The following SPAG16 variants were observed in gnomAD, a reference collection of about 807,000 sequenced individuals.
SPAG16 encodes the protein sperm associated antigen 16.
SPAG16 carries 86 observed loss-of-function variants against 80.4 expected under a neutral mutation model. The observed-to-expected ratio is 1.07, with a 90% CI of 0.90 to 1.28. The LOEUF is 1.28. SPAG16 is among the 50% of genes most tolerant of loss of function. The pLI is 0.00. For synonymous variants in SPAG16, 294 were observed against 265.9 expected (o/e 1.11, Z -1.03); for missense variants, 870 against 765.3 (o/e 1.14, Z -1.61).
In SPAG16 at chr2:214,304,234, T is replaced by C. The variant is rs371112215; in HGVS notation, c.1721-105906T>C. 1.1e-4 allele frequency among the ~76,000 whole-genome samples: 17 copies of C among 152,314 alleles called. No homozygotes were observed. In the East Asian group the frequency reaches 2.1e-3, roughly 19 times the overall value. ...GAACAGGCCCCCCAAAATCTGGCCA[T>C]AAACTGGCCCCAAAAGTGGCCATAA... On this transcript the variant is annotated intron_variant, in intron 15 of 15. Transcript: ENST00000331683.
intron 13 of SPAG16, among the ~76,000 whole-genome samples, chr2:214,081,996 T>A (rs2051418837): frequency 1.3e-5 from 2 of 152,154 alleles, no homozygotes; most frequent in African/African-American, 4.8e-5. Context: ...TGATTCCACA[T>A]CAAGTTCCTC....
At chr2:213,651,620 T>C (rs2125148274) in intron 10 of SPAG16, among the ~76,000 whole-genome samples, 1 of 152,248 alleles carries the variant, frequency 6.6e-6, no homozygotes, top group Middle Eastern at 3.4e-3. Context: ...ATATGACTAC[T>C]GCTTGGCTTC....
chr2:213,320,701 A>G (rs1248520143), intron 5 of SPAG16, among the ~76,000 whole-genome samples: 1 of 151,948 alleles, frequency 6.6e-6, no homozygotes. Flanking sequence ...TCTTAACATA[A>G]TCATCTCTAG....
intron 10 of SPAG16, among the ~76,000 whole-genome samples, chr2:213,708,903 A>C (rs777378978): frequency 6.6e-6 from 1 of 152,214 alleles, no homozygotes; most frequent in Non-Finnish European, 1.5e-5. Context: ...ACAACTGGGA[A>C]AGCAGAGTAA....
At chr2:213,934,182 T>A (rs1249425332) in intron 12 of SPAG16, among the ~76,000 whole-genome samples, 1 of 152,188 alleles carries the variant, frequency 6.6e-6, no homozygotes, top group Non-Finnish European at 1.5e-5. Flanking sequence ...CACGGCAAAG[T>A]TCCTCATGAT....
chr2:214,118,313 A>G (rs2054043699), intron 14 of SPAG16, among the ~76,000 whole-genome samples: 1 of 152,204 alleles, frequency 6.6e-6, no homozygotes, highest in South Asian at 2.1e-4. Context: ...CTACAAAATA[A>G]TGATGACAGG....
chr2:214,100,992 CATT>C (rs2052978382), intron 13 of SPAG16, among the ~76,000 whole-genome samples: 1 of 151,880 alleles, frequency 6.6e-6, no homozygotes, highest in Admixed American at 6.6e-5. Flanking sequence ...TTAAGTAAGT[CATT>C]ATAATGAGAA....
At chr2:214,008,684 G>T (rs2124927310) in intron 12 of SPAG16, among the ~76,000 whole-genome samples, 1 of 151,856 alleles carries the variant, frequency 6.6e-6, no homozygotes, top group Non-Finnish European at 1.5e-5. Context: ...GACAGAGGTT[G>T]CAGTGAGCCA....
At chr2:213,351,531 A>C (rs1361608415) in intron 7 of SPAG16, among the ~76,000 whole-genome samples, 2 of 152,204 alleles carry the variant, frequency 1.3e-5, no homozygotes, top group Non-Finnish European at 2.9e-5. Context: ...TAAAAATTTA[A>C]GAAAAAGAAA....
chr2:214,010,046 A>G (rs985433888), intron 12 of SPAG16, among the ~76,000 whole-genome samples: 2 of 118,678 alleles, frequency 1.7e-5, no homozygotes, highest in African/African-American at 4.2e-5. Context: ...TCTGTTTCCA[A>G]AGAAATTACT....
chr2:213,589,548 A>G (rs533100991), intron 10 of SPAG16, among the ~76,000 whole-genome samples: 56 of 152,162 alleles, frequency 3.7e-4, no homozygotes, highest in Non-Finnish European at 7.4e-4. Context: ...AATTTTCTTT[A>G]AACATTTCCT....
chr2:213,474,887 T>C (rs7580222), intron 9 of SPAG16, among the ~76,000 whole-genome samples: 60,876 of 151,912 alleles, frequency 0.4, 12,939 homozygotes, highest in African/African-American at 0.53. Flanking sequence ...CCTTTGGCAA[T>C]ACCCTCACAG....
chr2:214,009,651 A>G (rs2047192106), intron 12 of SPAG16, among the ~76,000 whole-genome samples: 1 of 152,182 alleles, frequency 6.6e-6, no homozygotes, highest in Non-Finnish European at 1.5e-5. Flanking sequence ...AGAGCCTGTG[A>G]TGCTACGGGT....
chr2:214,024,104 A>G (rs1469271612), intron 13 of SPAG16, among the ~76,000 whole-genome samples: 2 of 151,660 alleles, frequency 1.3e-5, no homozygotes, highest in Non-Finnish European at 3.0e-5. Flanking sequence ...TATTTAGAAT[A>G]AAATATTCTT....
chr2:213,540,207 A>T (rs7421802), intron 10 of SPAG16, among the ~76,000 whole-genome samples: 1 of 126,698 alleles, frequency 7.9e-6, no homozygotes, highest in African/African-American at 3.0e-5. Flanking sequence ...GCTAATTTTT[A>T]TTTTTTTATT....
chr2:214,148,801 C>T (rs1398357068), intron 14 of SPAG16, among the ~76,000 whole-genome samples: 2 of 151,786 alleles, frequency 1.3e-5, no homozygotes, highest in East Asian at 1.9e-4. Context: ...TATGAGTGTA[C>T]ATGTTTTTGT....
intron 10 of SPAG16, among the ~76,000 whole-genome samples, chr2:213,658,446 G>T (rs900415702): frequency 8.5e-5 from 13 of 152,154 alleles, no homozygotes; most frequent in African/African-American, 3.1e-4. Context: ...GCCACAAGCA[G>T]CAGGGACATC....
chr2:213,552,283 G>A (rs973375021), intron 10 of SPAG16, among the ~76,000 whole-genome samples: 6 of 152,050 alleles, frequency 3.9e-5, no homozygotes. Context: ...TGTGGACTCT[G>A]CAGGTTTCTA....
At chr2:213,512,786 T>G (rs2125820183) in intron 10 of SPAG16, among the ~76,000 whole-genome samples, 1 of 152,270 alleles carries the variant, frequency 6.6e-6, no homozygotes, top group East Asian at 1.9e-4. Flanking sequence ...CTCCAGGCAT[T>G]TCCTGCGTTT....
Sources: gnomAD v4.1 joint callset for allele counts (sites outside exome capture counted in the v4.1 genomes callset) on GRCh38, gnomAD v4.1.1 for gene constraint, MANE v1.5 for transcripts, NCBI Gene and HGNC (gene_info 2026-07-23, HGNC 2026-07-21) for gene names.